NKAIN2: variants seen among roughly 807,000 people sequenced by gnomAD.
The protein encoded by NKAIN2 is sodium/potassium transporting ATPase interacting 2.
In NKAIN2, 14 loss-of-function variants were observed where a neutral mutation model predicts 32.6. That is an observed-to-expected ratio of 0.43 (90% CI 0.28 to 0.67). NKAIN2 has a LOEUF of 0.67. Ranked by LOEUF, NKAIN2 falls within the 30% of genes least tolerant of loss-of-function variation. NKAIN2 has a pLI of 0.17. For missense variants in NKAIN2, 198 were observed against 258.3 expected (o/e 0.77, Z 1.60); for synonymous variants, 80 against 87.2 (o/e 0.92, Z 0.46).
At chr6:124,142,066 A>G (rs1562381998) in intron 1 of NKAIN2, among the ~76,000 whole-genome samples, 1 of 152,170 alleles carries the variant, frequency 6.6e-6, no homozygotes, top group Non-Finnish European at 1.5e-5. Context: ...AGTATCTTGG[A>G]CAACTTTTCT....
At chr6:124,418,981 G>A (rs991399020) in intron 3 of NKAIN2, among the ~76,000 whole-genome samples, 2 of 152,012 alleles carry the variant, frequency 1.3e-5, no homozygotes, top group African/African-American at 2.4e-5. Flanking sequence ...GCCTAAGAAG[G>A]GTAATGATTC....
intron 2 of NKAIN2, among the ~76,000 whole-genome samples, chr6:124,315,433 T>C (rs1164851701): frequency 6.7e-6 from 1 of 148,798 alleles, no homozygotes; most frequent in East Asian, 2.1e-4. Context: ...TTTAGGATAG[T>C]GGCACAAAAA....
At chr6:123,932,017 C>A (rs1281307316) in intron 1 of NKAIN2, among the ~76,000 whole-genome samples, 1 of 152,204 alleles carries the variant, frequency 6.6e-6, no homozygotes, top group African/African-American at 2.4e-5. Context: ...TTTTCACTCT[C>A]TGCTTTGTGG....
chr6:123,813,176 A>C (rs1204186742), intron 1 of NKAIN2, among the ~76,000 whole-genome samples: 1 of 152,182 alleles, frequency 6.6e-6, no homozygotes, highest in Non-Finnish European at 1.5e-5. Flanking sequence ...ATGAGAAGAG[A>C]AAATTATACT....
At chr6:124,758,252 T>C (rs1778056780) in intron 4 of NKAIN2, among the ~76,000 whole-genome samples, 1 of 152,092 alleles carries the variant, frequency 6.6e-6, no homozygotes, top group East Asian at 1.9e-4. Flanking sequence ...CAATGTTTGC[T>C]TGTGTCTCCT....
intron 3 of NKAIN2, among the ~76,000 whole-genome samples, chr6:124,495,457 A>G (rs1583336527): frequency 6.6e-6 from 1 of 152,098 alleles, no homozygotes; most frequent in East Asian, 1.9e-4. Context: ...CTCACAGTCT[A>G]CTATGCGTAT....
In NKAIN2 at chr6:123,877,485, T is replaced by C. The variant is rs532509300; in HGVS notation, c.54+73231T>C. ...ATGGGCATATGGAATGTATGGGAAA[T>C]AGATTTCAAGCCAACTACAATCCTT... is the stretch of plus-strand genomic sequence containing the variant. On this transcript the variant is annotated intron_variant, in intron 1 of 6. Coordinates refer to ENST00000368417, the MANE Select transcript of NKAIN2 (RefSeq NM_001040214.3). 2.0e-5 allele frequency among the ~76,000 whole-genome samples: 3 copies of C among 152,336 alleles called. No homozygotes were observed. In the East Asian group the frequency reaches 5.8e-4, roughly 29 times the overall value.
chr6:123,975,788 G>A (rs1054599693), intron 1 of NKAIN2, among the ~76,000 whole-genome samples: 2 of 151,872 alleles, frequency 1.3e-5, no homozygotes, highest in Non-Finnish European at 2.9e-5. Context: ...ACCTCCCAAA[G>A]GCCCTACCTC....
At chr6:124,311,789 A>G (rs1468551406) in intron 2 of NKAIN2, among the ~76,000 whole-genome samples, 2 of 152,208 alleles carry the variant, frequency 1.3e-5, no homozygotes, top group African/African-American at 4.8e-5. Flanking sequence ...AAAAGAGACC[A>G]TTGCCTGTCT....
At chr6:123,904,383 C>T (rs553106595) in intron 1 of NKAIN2, among the ~76,000 whole-genome samples, 2 of 152,338 alleles carry the variant, frequency 1.3e-5, no homozygotes, top group East Asian at 3.9e-4. Context: ...GCCAGGTCAT[C>T]TATGTGTTCT....
chr6:124,627,820 G>A (rs1783413214), intron 3 of NKAIN2, among the ~76,000 whole-genome samples: 1 of 151,900 alleles, frequency 6.6e-6, no homozygotes, highest in African/African-American at 2.4e-5. Context: ...CCACCCCCAC[G>A]GCGACATTCC....
At chr6:124,815,515 C>A (rs1172183272) in intron 5 of NKAIN2, among the ~76,000 whole-genome samples, 1 of 152,040 alleles carries the variant, frequency 6.6e-6, no homozygotes, top group African/African-American at 2.4e-5. Context: ...GGTGACCCAT[C>A]TGCCTCAGCC....
At chr6:123,810,070 T>A (rs1773392907) in intron 1 of NKAIN2, among the ~76,000 whole-genome samples, 1 of 151,418 alleles carries the variant, frequency 6.6e-6, no homozygotes, top group East Asian at 1.9e-4. Context: ...GCTAAATATG[T>A]TTTTTTTTCC....
At chr6:124,537,187 C>T (rs1280479367) in intron 3 of NKAIN2, among the ~76,000 whole-genome samples, 1 of 152,102 alleles carries the variant, frequency 6.6e-6, no homozygotes, top group East Asian at 1.9e-4. Context: ...TGTTAACAAA[C>T]CATATCTCAG....
In NKAIN2 at chr6:124,587,380, C is replaced by T. The variant is rs186329034; in HGVS notation, c.274-70806C>T. On this transcript the variant is annotated intron_variant, in intron 3 of 6. Transcript: ENST00000368417. ...AATTACAGGCGCATGCCACCACGCC[C>T]GGCTAATTTTTGTATTTTTAGTAGA... Among the ~76,000 whole-genome samples the T allele has an allele frequency of 2.9e-3, 447 of 151,910 alleles. 2 individuals carry two copies. Among genetic ancestry groups the T allele is most frequent in the Admixed American group, 4.5e-3 (68 of 15,270 alleles).
intron 4 of NKAIN2, among the ~76,000 whole-genome samples, chr6:124,774,464 AT>A (rs1305331196): frequency 3.3e-5 from 5 of 152,122 alleles, no homozygotes; most frequent in Admixed American, 1.3e-4. Context: ...GTAGAGCAGG[AT>A]TGTAGTTTGC....
chr6:124,297,494 G>A (rs909805497), intron 2 of NKAIN2, among the ~76,000 whole-genome samples: 1 of 152,028 alleles, frequency 6.6e-6, no homozygotes, highest in African/African-American at 2.4e-5. Context: ...GAGTGGCAGA[G>A]GCAGAAAAGG....
At chr6:123,938,629 A>G (rs916595969) in intron 1 of NKAIN2, among the ~76,000 whole-genome samples, 3 of 136,492 alleles carry the variant, frequency 2.2e-5, no homozygotes, top group African/African-American at 8.2e-5. Context: ...TATATATTTT[A>G]TATATTATAT....
intron 1 of NKAIN2, among the ~76,000 whole-genome samples, chr6:124,007,442 A>G (rs1410967951): frequency 6.6e-6 from 1 of 152,226 alleles, no homozygotes; most frequent in Non-Finnish European, 1.5e-5. Context: ...ATTTTGCTAA[A>G]GTATGAATAT....
Sources: gnomAD v4.1 joint callset for allele counts (sites outside exome capture counted in the v4.1 genomes callset) on GRCh38, gnomAD v4.1.1 for gene constraint, MANE v1.5 for transcripts, NCBI Gene and HGNC (gene_info 2026-07-23, HGNC 2026-07-21) for gene names.